Variants in GLI2 observed in about 807,000 individuals in gnomAD.
GLI2 encodes the protein transcription activator GLI2.
A neutral mutation model predicts 78.9 loss-of-function variants in GLI2; 22 were observed. The observed-to-expected ratio is 0.28, with a 90% CI of 0.20 to 0.40. GLI2 has a LOEUF of 0.40. Among genes scored for constraint, GLI2 ranks in the 10% least tolerant of loss-of-function variants. The pLI is 1.00. For missense variants in GLI2, 2,097 were observed against 2,213.2 expected, an observed-to-expected ratio of 0.95 and a Z score of 1.05; for synonymous variants, 974 against 963.7, an observed-to-expected ratio of 1.01 and a Z score of -0.20.
chr2:120,796,598 C>T (rs532696644), intron 1 of GLI2, among the ~76,000 whole-genome samples: 39 of 152,330 alleles, frequency 2.6e-4, no homozygotes, highest in South Asian at 2.1e-3. Context: ...AGCGCTGCCC[C>T]GCTGTGCCCC....
At chr2:120,819,502 A>G (rs1685663942) in intron 2 of GLI2, among the ~76,000 whole-genome samples, 1 of 152,076 alleles carries the variant, frequency 6.6e-6, no homozygotes, top group Non-Finnish European at 1.5e-5. Flanking sequence ...AGCCTCCTAA[A>G]GTGCTGGGAT....
Position 120,984,582 on chromosome 2 carries a change from C to G in GLI2, c.1744C>G (p.Gln582Glu). 1 of 1,614,246 alleles carries G rather than the reference C, an allele frequency of 6.2e-7. No individual in the cohort carries two copies. Among genetic ancestry groups the G allele is most frequent in the Non-Finnish European group, 8.5e-7 (1 of 1,180,036 alleles). ...CCCAGATGCCCACGTCACCAAGAAGCAGCGCAATGACGTGCACCTCCGCAC... is the reference window on the plus strand; with the variant it reads ...CCCAGATGCCCACGTCACCAAGAAGGAGCGCAATGACGTGCACCTCCGCAC... ...HGPDAHVTKKQRNDVHLRTPL... is the reference protein window; with the variant it reads ...HGPDAHVTKKERNDVHLRTPL... Residue 582 changes from glutamine to glutamate, a missense_variant, in exon 12 of 14, where the codon CAG becomes GAG. Transcript: ENST00000361492.
At chr2:120,888,031 C>A (rs566794164) in intron 2 of GLI2, among the ~76,000 whole-genome samples, 1 of 152,340 alleles carries the variant, frequency 6.6e-6, no homozygotes, top group South Asian at 2.1e-4. Context: ...GCCTGCGGTT[C>A]AGTTCAAGTT....
intron 1 of GLI2, among the ~76,000 whole-genome samples, chr2:120,758,323 C>G (rs1456172589): frequency 6.6e-6 from 1 of 152,218 alleles, no homozygotes; most frequent in African/African-American, 2.4e-5. Context: ...GCAGAAAGCC[C>G]CAGAGTGCTC....
chr2:120,882,959 G>A (rs1031659756), intron 2 of GLI2, among the ~76,000 whole-genome samples: 1 of 152,000 alleles, frequency 6.6e-6, no homozygotes, highest in African/African-American at 2.4e-5. Flanking sequence ...CCCCAGAGCG[G>A]GCATCCTGTC....
intron 1 of GLI2, among the ~76,000 whole-genome samples, chr2:120,780,753 G>A (rs1341069717): frequency 1.3e-5 from 2 of 152,240 alleles, no homozygotes; most frequent in Admixed American, 6.5e-5. Context: ...TTTCCAGCCT[G>A]GAACTCTGGA....
At chr2:120,865,857 G>T (rs55727411) in intron 2 of GLI2, among the ~76,000 whole-genome samples, 25,182 of 152,256 alleles carry the variant, frequency 0.17, 2,510 homozygotes, top group Middle Eastern at 0.33. Flanking sequence ...CCCACTCCGG[G>T]TACCCCAGGC....
At chr2:120,745,522 C>G (rs1027563259) in intron 1 of GLI2, among the ~76,000 whole-genome samples, 8 of 152,150 alleles carry the variant, frequency 5.3e-5, no homozygotes, top group Non-Finnish European at 1.2e-4. Flanking sequence ...GTGAGCAGAG[C>G]CCTCACTCAA....
At chr2:120,755,522 C>T (rs1683012776) in intron 1 of GLI2, among the ~76,000 whole-genome samples, 1 of 152,024 alleles carries the variant, frequency 6.6e-6, no homozygotes, top group African/African-American at 2.4e-5. Flanking sequence ...GCAGATATCC[C>T]AGCCTGTGGC....
Position 120,971,965 on chromosome 2 carries a change from G to T in GLI2, c.1084G>T (p.Val362Phe). The T allele has an allele frequency of 6.2e-7, 1 of 1,613,644 alleles. No homozygotes were observed. The highest frequency in any genetic ancestry group is 8.5e-7 in the Non-Finnish European group (1 of 1,179,826). The change falls in exon 8 of 14, where the codon GTC becomes TTC. Residue 362 changes from valine (V) to phenylalanine (F), a missense_variant. Transcript: ENST00000361492. ...NQNKQSSESAVSSTVNPVAIH... is the reference protein window; with the variant it reads ...NQNKQSSESAFSSTVNPVAIH... ...GAACAAGCAGAGCAGTGAGTCGGCCGTCAGCAGCACCGTCAACCCTGTCGC... is the reference window on the plus strand; with the variant it reads ...GAACAAGCAGAGCAGTGAGTCGGCCTTCAGCAGCACCGTCAACCCTGTCGC...
intron 2 of GLI2, among the ~76,000 whole-genome samples, chr2:120,843,815 T>A (rs1023623698): frequency 2.6e-5 from 4 of 152,148 alleles, no homozygotes; most frequent in African/African-American, 9.7e-5. Flanking sequence ...TACAGGTACA[T>A]GCCACCACGC....
chr2:120,968,651 C>A, intron 5 of GLI2, 63 bp from the exon 6 acceptor site: 2 of 1,186,842 alleles, frequency 1.7e-6, no homozygotes, highest in South Asian at 1.2e-5. Flanking sequence ...ATCCCCCACC[C>A]ACATGTCACC....
chr2:120,964,377 G>A (rs963729175), intron 5 of GLI2, among the ~76,000 whole-genome samples: 1 of 152,202 alleles, frequency 6.6e-6, no homozygotes, highest in African/African-American at 2.4e-5. Flanking sequence ...GGAAAGTTTT[G>A]GGGAGAGGGC....
At chr2:120,820,185 A>G (rs963983149) in intron 2 of GLI2, among the ~76,000 whole-genome samples, 4 of 152,132 alleles carry the variant, frequency 2.6e-5, no homozygotes, top group Admixed American at 6.5e-5. Flanking sequence ...CTGAGCTAAG[A>G]TAGTTCTCTC....
At chr2:120,953,590 C>A (rs998810235) in intron 4 of GLI2, among the ~76,000 whole-genome samples, 1 of 152,152 alleles carries the variant, frequency 6.6e-6, no homozygotes, top group Non-Finnish European at 1.5e-5. Context: ...AGGGCCAGGG[C>A]CAGAGGGCCA....
intron 2 of GLI2, among the ~76,000 whole-genome samples, chr2:120,894,368 C>A (rs922759457): frequency 8.5e-5 from 13 of 152,220 alleles, no homozygotes; most frequent in African/African-American, 3.1e-4. Flanking sequence ...CTGGGACCGG[C>A]GTGGCTCCGC....
At chr2:120,740,426 T>C (rs905688189) in intron 1 of GLI2, among the ~76,000 whole-genome samples, 1 of 136,128 alleles carries the variant, frequency 7.3e-6, no homozygotes, top group African/African-American at 2.9e-5. Flanking sequence ...TGCTTGCACA[T>C]GTGTGTTGTT....
At chr2:120,958,352 T>C (rs1018391710) in intron 5 of GLI2, among the ~76,000 whole-genome samples, 9 of 152,140 alleles carry the variant, frequency 5.9e-5, no homozygotes, top group Admixed American at 1.3e-4. Context: ...TGTATCTTCA[T>C]TGTAGGCAGC....
intron 2 of GLI2, among the ~76,000 whole-genome samples, chr2:120,816,136 A>G (rs1294374203): frequency 6.6e-6 from 1 of 151,624 alleles, no homozygotes; most frequent in Admixed American, 6.6e-5. Flanking sequence ...AGCAGTTCCA[A>G]ACCTTTTGGT....
Sources: gnomAD v4.1 joint callset for allele counts (sites outside exome capture counted in the v4.1 genomes callset) on GRCh38, gnomAD v4.1.1 for gene constraint, MANE v1.5 for transcripts, NCBI Gene and HGNC (gene_info 2026-07-23, HGNC 2026-07-21) for gene names.